Variants in THSD7A observed in about 807,000 individuals in gnomAD.
THSD7A encodes thrombospondin type-1 domain-containing protein 7A.
In THSD7A, 96 loss-of-function variants were observed where a neutral mutation model predicts 231.3. That is an observed-to-expected ratio of 0.41 (90% CI 0.35 to 0.49). THSD7A has a LOEUF of 0.49. Among genes scored for constraint, THSD7A ranks in the 20% least tolerant of loss-of-function variants. The pLI is 0.05. For missense variants in THSD7A, 2,290 were observed against 2,070.2 expected, an observed-to-expected ratio of 1.11 and a Z score of -2.06; for synonymous variants, 940 against 743.3, an observed-to-expected ratio of 1.26 and a Z score of -4.30.
intron 23 of THSD7A, among the ~76,000 whole-genome samples, chr7:11,391,267 TCCTG>T (rs1347938623): frequency 6.6e-6 from 1 of 152,172 alleles, no homozygotes; most frequent in East Asian, 1.9e-4. Context: ...TGACTGGGGC[TCCTG>T]CCTTTTTTTT....
rs1785523828 is a variant in THSD7A at position 11,462,028 on chromosome 7, T to C, written c.2484A>G (p.Gln828=). Residue 828 remains glutamine, a synonymous_variant, in exon 10 of 28, where the codon CAA becomes CAG. Coordinates refer to ENST00000423059, the MANE Select transcript of THSD7A (RefSeq NM_015204.3). ...AACCCTACCTGTAGCTTTGGCACGC[T>C]TGAGGTGCCTCACAGGCCTTCTCTT... ...LYEEKACEAP[Q]ACQSYRWKTH... 2 of 1,613,674 alleles carry C rather than the reference T, an allele frequency of 1.2e-6. No homozygotes were observed. Among genetic ancestry groups the C allele is most frequent in the African/African-American group, 2.7e-5 (2 of 75,046 alleles).
At chr7:11,807,673 G>A (rs1368140492) in intron 1 of THSD7A, among the ~76,000 whole-genome samples, 1 of 151,934 alleles carries the variant, frequency 6.6e-6, no homozygotes. Flanking sequence ...CTAATTAATG[G>A]CTGAAATTAA....
intron 2 of THSD7A, among the ~76,000 whole-genome samples, chr7:11,600,679 T>C (rs1366071660): frequency 2.0e-5 from 3 of 152,206 alleles, no homozygotes; most frequent in Non-Finnish European, 4.4e-5. Flanking sequence ...TGAAGAGCCA[T>C]CTGGTCCAAT....
chr7:11,608,012 T>C (rs765424898), intron 2 of THSD7A, among the ~76,000 whole-genome samples: 2 of 152,106 alleles, frequency 1.3e-5, no homozygotes, highest in Non-Finnish European at 2.9e-5. Context: ...AGCCAGTACA[T>C]AGATTTTCTA....
intron 4 of THSD7A, among the ~76,000 whole-genome samples, chr7:11,562,554 T>C (rs895384027): frequency 6.6e-6 from 1 of 152,180 alleles, no homozygotes; most frequent in African/African-American, 2.4e-5. Context: ...TTAAACGAAC[T>C]TATTTGATTG....
chr7:11,572,157 C>G (rs560884081), intron 4 of THSD7A, among the ~76,000 whole-genome samples: 38 of 152,084 alleles, frequency 2.5e-4, no homozygotes, highest in African/African-American at 6.5e-4. Flanking sequence ...TGGGCTCAAG[C>G]AGTGTCCCCA....
chr7:11,382,653 G>A (rs770196369), intron 23 of THSD7A, 37 bp from the exon 24 acceptor site: 1 of 1,506,876 alleles, frequency 6.6e-7, no homozygotes, highest in African/African-American at 1.4e-5. Context: ...GAAGCATTCT[G>A]TTACCCAGAA....
chr7:11,656,946 G>C (rs1216204845), intron 1 of THSD7A, among the ~76,000 whole-genome samples: 3 of 151,768 alleles, frequency 2.0e-5, no homozygotes, highest in African/African-American at 7.2e-5. Flanking sequence ...GATTAACTTT[G>C]ATTGTTCACA....
intron 4 of THSD7A, among the ~76,000 whole-genome samples, chr7:11,582,173 C>T (rs1292330910): frequency 2.6e-5 from 4 of 151,574 alleles, no homozygotes; most frequent in African/African-American, 4.8e-5. Flanking sequence ...TAAATTTTAT[C>T]CAGCCTCTTT....
intron 8 of THSD7A, among the ~76,000 whole-genome samples, chr7:11,473,844 C>T (rs1409405557): frequency 6.6e-6 from 1 of 152,064 alleles, no homozygotes; most frequent in African/African-American, 2.4e-5. Context: ...TTACTCTAAC[C>T]ATTGAAAGAC....
intron 6 of THSD7A, among the ~76,000 whole-genome samples, chr7:11,511,092 A>G (rs1275534649): frequency 6.6e-6 from 1 of 152,206 alleles, no homozygotes; most frequent in African/African-American, 2.4e-5. Flanking sequence ...AAGTCTCAGG[A>G]TACAAAATCA....
intron 1 of THSD7A, among the ~76,000 whole-genome samples, chr7:11,672,948 G>A (rs1306811222): frequency 6.6e-6 from 1 of 152,106 alleles, no homozygotes; most frequent in Non-Finnish European, 1.5e-5. Flanking sequence ...TCTGTTTTGT[G>A]ACAAATTAAA....
intron 1 of THSD7A, among the ~76,000 whole-genome samples, chr7:11,716,376 C>T (rs1284742050): frequency 6.6e-6 from 1 of 151,538 alleles, no homozygotes; most frequent in East Asian, 2.0e-4. Context: ...CAGGAAATTA[C>T]AATGTAGGGA....
intron 7 of THSD7A, among the ~76,000 whole-genome samples, chr7:11,481,035 CTTGTG>C (rs913141106): frequency 6.6e-6 from 1 of 152,060 alleles, no homozygotes; most frequent in Non-Finnish European, 1.5e-5. Context: ...TTTTCTCACT[CTTGTG>C]TTATTTTTCA....
intron 1 of THSD7A, among the ~76,000 whole-genome samples, chr7:11,768,874 C>T (rs1783115099): frequency 6.6e-6 from 1 of 151,726 alleles, no homozygotes; most frequent in Non-Finnish European, 1.5e-5. Flanking sequence ...TCAACCTCAG[C>T]ATCCCAAGCA....
At position 11,636,381 on chromosome 7, in the gene THSD7A, C is replaced by A. The variant is rs1193988094; in HGVS notation, c.771G>T (p.Val257=). ...EAEELRYSLH[V]GPWSTCSMPH... ...GCATTGAGCAGGTGCTCCAGGGCCC[C>A]ACATGCAGGCTGTACCTGAGCTCCT... is the stretch of plus-strand genomic sequence containing the variant. Residue 257 remains valine (V), a synonymous_variant, in exon 2 of 28, where the codon GTG becomes GTT. Transcript: ENST00000423059. The surrounding 1 kb of genome is among the most constrained non-coding windows in gnomAD (Gnocchi z 10.0). The A allele has an allele frequency of 6.2e-7, 1 of 1,613,818 alleles. No individual in the cohort carries two copies. The highest frequency in any genetic ancestry group is 1.1e-5 in the South Asian group (1 of 91,084).
At chr7:11,580,902 T>C (rs1403018910) in intron 4 of THSD7A, among the ~76,000 whole-genome samples, 2 of 152,080 alleles carry the variant, frequency 1.3e-5, no homozygotes, top group African/African-American at 4.8e-5. Flanking sequence ...CAAATTAAAA[T>C]AAAATAAAAA....
chr7:11,713,130 A>T (rs1287618750), intron 1 of THSD7A, among the ~76,000 whole-genome samples: 1 of 151,194 alleles, frequency 6.6e-6, no homozygotes, highest in Admixed American at 6.6e-5. Context: ...GCCATGGCTC[A>T]TTAATTAGCA....
intron 1 of THSD7A, among the ~76,000 whole-genome samples, chr7:11,757,440 G>T (rs1030582907): frequency 1.3e-5 from 2 of 151,886 alleles, no homozygotes; most frequent in African/African-American, 4.8e-5. Context: ...AATAAGAAAG[G>T]AAGTATTACT....
Sources: gnomAD v4.1 joint callset for allele counts (sites outside exome capture counted in the v4.1 genomes callset) on GRCh38, gnomAD v4.1.1 for gene constraint, Gnocchi (gnomAD v3.1) non-coding constraint, MANE v1.5 for transcripts, NCBI Gene and HGNC (gene_info 2026-07-23, HGNC 2026-07-21) for gene names.